CDKAL1: variants seen among roughly 807,000 people sequenced by gnomAD.
The protein encoded by CDKAL1 is CDKAL1 threonylcarbamoyladenosine tRNA methylthiotransferase.
Under a neutral mutation model 68.2 loss-of-function variants are expected in CDKAL1, and 32 were observed. The observed-to-expected ratio is 0.47, with a 90% CI of 0.35 to 0.63. CDKAL1 has a LOEUF of 0.63. Among genes scored for constraint, CDKAL1 ranks in the 30% least tolerant of loss-of-function variants. The pLI is 0.00. For synonymous variants in CDKAL1, 234 were observed against 244.3 expected (o/e 0.96, Z 0.39); for missense variants, 606 against 696.7 (o/e 0.87, Z 1.47).
intron 11 of CDKAL1, among the ~76,000 whole-genome samples, chr6:21,000,624 G>C (rs909802696): frequency 6.6e-6 from 1 of 152,158 alleles, no homozygotes; most frequent in African/African-American, 2.4e-5. Context: ...TTAAGGTAAT[G>C]TGAATTGTGA....
At chr6:21,072,443 G>A (rs1771831904) in intron 12 of CDKAL1, among the ~76,000 whole-genome samples, 1 of 149,890 alleles carries the variant, frequency 6.7e-6, no homozygotes, top group Non-Finnish European at 1.5e-5. Context: ...TTAGCCAGAA[G>A]CAGAACTCAT....
At position 20,573,279 on chromosome 6, in the gene CDKAL1, G is replaced by T. The variant is rs540052448; in HGVS notation, c.286+24574G>T. Reference sequence around the variant, plus strand: ...GTTATTTATGTATTAAGAATATGTAGTATAGTGACCATAATGAGAATAGTA... The same window carrying T: ...GTTATTTATGTATTAAGAATATGTATTATAGTGACCATAATGAGAATAGTA... On this transcript the variant is annotated intron_variant, in intron 4 of 15. Transcript: ENST00000274695. Among the ~76,000 whole-genome samples, 22 of 152,220 alleles carry T rather than the reference G, an allele frequency of 1.4e-4. No individual in the cohort carries two copies. The East Asian group carries it at 2.3e-3, about 16-fold the overall frequency.
At chr6:20,936,549 C>CGG (rs1337709906) in intron 9 of CDKAL1, among the ~76,000 whole-genome samples, 1 of 151,914 alleles carries the variant, frequency 6.6e-6, no homozygotes, top group East Asian at 1.9e-4. Context: ...CGCGCCCGGC[C>CGG]CATTTTTTTT....
rs1036223541 is a variant in CDKAL1 at position 20,681,671 on chromosome 6, G to C, written c.371+32294G>C. On this transcript the variant is annotated intron_variant, in intron 5 of 15. Coordinates refer to ENST00000274695, the MANE Select transcript of CDKAL1 (RefSeq NM_017774.3). Reference sequence around the variant, plus strand: ...GGTCTTGGTGGGGAATTGCAAAGTGGTGGCAGCAGGAAAGCACTTGTCTTC... The same window carrying C: ...GGTCTTGGTGGGGAATTGCAAAGTGCTGGCAGCAGGAAAGCACTTGTCTTC... 3.9e-5 allele frequency among the ~76,000 whole-genome samples: 6 copies of C among 152,204 alleles called. No homozygotes were observed. The South Asian group carries it at 1.0e-3, about 26-fold the overall frequency.
At chr6:20,623,615 G>C (rs1338297687) in intron 4 of CDKAL1, among the ~76,000 whole-genome samples, 1 of 152,076 alleles carries the variant, frequency 6.6e-6, no homozygotes, top group Non-Finnish European at 1.5e-5. Context: ...TGCTGTATAT[G>C]TTTTACAAAG....
At chr6:20,631,233 T>A (rs1026004096) in intron 4 of CDKAL1, among the ~76,000 whole-genome samples, 2 of 152,320 alleles carry the variant, frequency 1.3e-5, no homozygotes, top group Non-Finnish European at 2.9e-5. Flanking sequence ...CTGTCCTCCC[T>A]ACCCCAGTGC....
intron 5 of CDKAL1, among the ~76,000 whole-genome samples, chr6:20,667,417 A>G (rs886307670): frequency 6.6e-6 from 1 of 152,154 alleles, no homozygotes; most frequent in Admixed American, 6.5e-5. Context: ...AATGTACCTC[A>G]GTTTTTAAAA....
intron 5 of CDKAL1, among the ~76,000 whole-genome samples, chr6:20,675,341 G>A (rs1770039737): frequency 6.6e-6 from 1 of 151,982 alleles, no homozygotes. Context: ...TTTGTGGGAT[G>A]GTTCCTATAT....
chr6:20,726,867 G>A (rs1015689398), intron 5 of CDKAL1, among the ~76,000 whole-genome samples: 1 of 152,150 alleles, frequency 6.6e-6, no homozygotes, highest in Non-Finnish European at 1.5e-5. Flanking sequence ...ACTTTGTGGT[G>A]GGGTTTTAGC....
intron 13 of CDKAL1, among the ~76,000 whole-genome samples, chr6:21,189,069 G>C (rs747084934): frequency 4.6e-5 from 7 of 152,194 alleles, no homozygotes; most frequent in East Asian, 1.9e-4. Flanking sequence ...TTTGCCCCCA[G>C]CTGGGAAGAG....
At chr6:20,599,183 C>G (rs905238824) in intron 4 of CDKAL1, among the ~76,000 whole-genome samples, 12 of 151,696 alleles carry the variant, frequency 7.9e-5, no homozygotes, top group African/African-American at 2.9e-4. Context: ...AGAGTTTATA[C>G]AAATGCAAGT....
intron 9 of CDKAL1, among the ~76,000 whole-genome samples, chr6:20,920,824 T>G (rs1221108947): frequency 1.3e-5 from 2 of 152,170 alleles, no homozygotes; most frequent in African/African-American, 4.8e-5. Flanking sequence ...AAACATTCAC[T>G]TACCCTTTAT....
At chr6:21,045,246 TG>T (rs1770158553) in intron 11 of CDKAL1, among the ~76,000 whole-genome samples, 1 of 152,190 alleles carries the variant, frequency 6.6e-6, no homozygotes, top group Non-Finnish European at 1.5e-5. Context: ...AGGAATACTT[TG>T]GTTTGCCAGG....
chr6:20,817,913 A>T (rs980756400), intron 8 of CDKAL1, among the ~76,000 whole-genome samples: 1 of 152,186 alleles, frequency 6.6e-6, no homozygotes. Context: ...GATAATAATG[A>T]CAGGCTGTAT....
At chr6:20,646,434 A>G (rs1342598879) in intron 4 of CDKAL1, among the ~76,000 whole-genome samples, 7 of 151,386 alleles carry the variant, frequency 4.6e-5, no homozygotes, top group Admixed American at 2.6e-4. Flanking sequence ...AAAGTATTCT[A>G]TAGTAAATAC....
At chr6:20,583,748 T>C (rs1015054778) in intron 4 of CDKAL1, among the ~76,000 whole-genome samples, 1 of 151,758 alleles carries the variant, frequency 6.6e-6, no homozygotes, top group African/African-American at 2.4e-5. Context: ...TGTATTGCAT[T>C]ATCTTATCTC....
At chr6:20,684,662 C>CAT (rs1770537866) in intron 5 of CDKAL1, among the ~76,000 whole-genome samples, 1 of 152,196 alleles carries the variant, frequency 6.6e-6, no homozygotes, top group African/African-American at 2.4e-5. Context: ...TCCTGTTGCT[C>CAT]CGCATCCTTG....
chr6:20,992,412 A>T (rs1341458590), intron 10 of CDKAL1, among the ~76,000 whole-genome samples: 2 of 151,476 alleles, frequency 1.3e-5, no homozygotes, highest in Non-Finnish European at 3.0e-5. Flanking sequence ...TTCTAATAAG[A>T]TCTTATATGT....
intron 4 of CDKAL1, among the ~76,000 whole-genome samples, chr6:20,568,604 G>T (rs1450277759): frequency 1.3e-5 from 2 of 151,624 alleles, no homozygotes; most frequent in Non-Finnish European, 2.9e-5. Context: ...GCGTGGTGGC[G>T]GGCGCCTGTA....
Sources: allele counts gnomAD v4.1 joint callset (sites outside exome capture counted in the v4.1 genomes callset), GRCh38; gene constraint gnomAD v4.1.1; transcripts MANE v1.5; gene names NCBI Gene and HGNC (gene_info 2026-07-23, HGNC 2026-07-21).